MYOM3: variants seen among roughly 807,000 people sequenced by gnomAD.
The protein encoded by MYOM3 is myomesin 3, also known as myomesin-3.
MYOM3 carries 155 observed loss-of-function variants against 191.7 expected under a neutral mutation model. That is an observed-to-expected ratio of 0.81 (90% CI 0.71 to 0.92). The LOEUF is 0.92. Ranked by LOEUF, MYOM3 falls within the 40% of genes least tolerant of loss-of-function variation. The pLI, the probability that MYOM3 is intolerant of heterozygous loss-of-function variation, is 0.00. For missense variants in MYOM3, 1,889 were observed against 1,890.6 expected (o/e 1.00, Z 0.02); for synonymous variants, 757 against 762.9 (o/e 0.99, Z 0.13).
intron 7 of MYOM3, among the ~76,000 whole-genome samples, chr1:24,096,682 G>C (rs1255060503): frequency 6.6e-6 from 1 of 152,190 alleles, no homozygotes; most frequent in Non-Finnish European, 1.5e-5. Flanking sequence ...TACTGCCCAA[G>C]ACAGCTGCCT....
intron 12 of MYOM3, 123 bp from the exon 13 acceptor site, chr1:24,090,241 G>A (rs1643799922): frequency 3.9e-6 from 3 of 776,510 alleles, no homozygotes; most frequent in Non-Finnish European, 6.6e-6. Context: ...CCCTCGCTGT[G>A]CAACCTCAGA....
chr1:24,086,665 T>C lies in MYOM3; in HGVS notation c.1777A>G (p.Ile593Val). 2 of 1,613,956 alleles carry C rather than the reference T, an allele frequency of 1.2e-6. No individual in the cohort carries two copies. The highest frequency in any genetic ancestry group is 1.7e-6 in the Non-Finnish European group (2 of 1,179,938). ...GTACCTGGCGGGCCCCGCAAGGCGATGGGTTCGCTGGGCTCCGAGGGATCG... is the reference window on the plus strand; with the variant it reads ...GTACCTGGCGGGCCCCGCAAGGCGACGGGTTCGCTGGGCTCCGAGGGATCG... ...LSDPSEPSEP[I>V]ALRGPPATLP... The change falls in exon 15 of 37, where the codon ATC (isoleucine) becomes GTC (valine). Residue 593 changes from isoleucine (I) to valine (V), a missense_variant. Ile to Val is a conservative substitution (Grantham distance 29, BLOSUM62 3). Coordinates refer to ENST00000374434, the MANE Select transcript of MYOM3 (RefSeq NM_152372.4).
chr1:24,066,160 C>T, intron 28 of MYOM3, 159 bp from the exon 29 acceptor site: 3 of 723,064 alleles, frequency 4.1e-6, no homozygotes, highest in Non-Finnish European at 7.7e-6. Flanking sequence ...ATGGTTTTCC[C>T]TCTGCCTCTT....
intron 27 of MYOM3, among the ~76,000 whole-genome samples, chr1:24,067,417 TCC>T (rs368364027): frequency 9.1e-6 from 1 of 109,788 alleles, no homozygotes; most frequent in Admixed American, 9.4e-5. Flanking sequence ...CTTCCTTCCT[TCC>T]TTCCTTCCTT....
At chr1:24,062,861 T>C (rs1643386935) in intron 32 of MYOM3, among the ~76,000 whole-genome samples, 1 of 152,222 alleles carries the variant, frequency 6.6e-6, no homozygotes, top group South Asian at 2.1e-4. Context: ...AGAAAAATGT[T>C]GTCCCGCCAA....
At chr1:24,081,697 G>A in intron 18 of MYOM3, 1 of 592,964 alleles carries the variant, frequency 1.7e-6, no homozygotes, top group South Asian at 2.2e-5. Flanking sequence ...CGAGTAGCCA[G>A]GACTACAGGC....
intron 21 of MYOM3, 149 bp from the exon 22 acceptor site, chr1:24,075,624 C>T (rs1356364212): frequency 2.2e-5 from 17 of 766,044 alleles, no homozygotes; most frequent in Admixed American, 1.1e-4. Context: ...TTGCAGGATC[C>T]GGCTCCTTCC....
chr1:24,100,513 C>T (rs531674119), intron 5 of MYOM3, among the ~76,000 whole-genome samples: 5 of 152,210 alleles, frequency 3.3e-5, no homozygotes, highest in African/African-American at 4.8e-5. Flanking sequence ...ACCCCAGACC[C>T]CTGCCGCTCT....
At position 24,087,658 on chromosome 1, in the gene MYOM3, C is replaced by T. The variant is rs2148554331; in HGVS notation, c.1615-831G>A. On this transcript the variant is annotated intron_variant, in intron 14 of 36. Transcript: ENST00000374434. This position sits in a 1 kb window ranked among gnomAD's most constrained non-coding sequence, Gnocchi z 4.5. ...CTTCCTGGGCAGTGGGGAGGCCATC[C>T]CAGCCACTCCATCTAAAAATGTCAG... is the stretch of plus-strand genomic sequence containing the variant. 6.6e-6 allele frequency among the ~76,000 whole-genome samples: 1 copy of T among 152,192 alleles called. No homozygotes were observed. Among genetic ancestry groups the T allele is most frequent in the East Asian group, 1.9e-4 (1 of 5,174 alleles).
chr1:24,103,243 G>A (rs549972534), intron 5 of MYOM3, among the ~76,000 whole-genome samples: 2 of 152,354 alleles, frequency 1.3e-5, no homozygotes, highest in East Asian at 1.9e-4. Flanking sequence ...CCTGGCCAGC[G>A]CTGGGAGCAG....
chr1:24,086,759 G>A lies in MYOM3; in HGVS notation c.1683C>T (p.Ala561=), dbSNP rs747942549. ...ACTTCTTTTTCTCCAGGTCCAGAAC[G>A]GCGAATCTCGGGGATCTCACAGGGC... is the stretch of plus-strand genomic sequence containing the variant. The part of the protein sequence containing the change: ...SESPVRSPRF[A]VLDLEKKKSY... Residue 561 remains alanine, a synonymous_variant, in exon 15 of 37, where the codon GCC becomes GCT. Transcript: ENST00000374434. 19 of 1,614,056 alleles carry A rather than the reference G, an allele frequency of 1.2e-5. No individual in the cohort carries two copies. Among genetic ancestry groups the A allele is most frequent in the Admixed American group, 1.7e-5 (1 of 60,002 alleles).
At position 24,081,390 on chromosome 1, in the gene MYOM3, C is replaced by T. The variant is rs1643666359; in HGVS notation, c.2347G>A (p.Gly783Ser). 5.6e-6 allele frequency: 9 copies of T among 1,614,046 alleles called. No individual in the cohort carries two copies. In the South Asian group the frequency reaches 7.7e-5, roughly 14 times the overall value. The stretch of plus-strand genomic sequence containing the variant: ...AGGCTGCTGGGTGCCGACAGCTCGC[C>T]AACACCTGCCCAGTTGGCAGCCCGG... ...RARAANWAGV[G>S]ELSAPSSLFE... Residue 783 changes from glycine (G) to serine (S), a missense_variant, in exon 19 of 37, where the codon GGC (glycine) becomes AGC (serine). Physicochemically the swap from Gly to Ser is moderately conservative, Grantham distance 56. Transcript: ENST00000374434.
chr1:24,101,922 G>A (rs1435512045), intron 5 of MYOM3, among the ~76,000 whole-genome samples: 1 of 152,136 alleles, frequency 6.6e-6, no homozygotes, highest in Non-Finnish European at 1.5e-5. Context: ...AGGAGTAGGG[G>A]CTGAGGAGTG....
intron 12 of MYOM3, 54 bp downstream of exon 12, chr1:24,090,743 C>T (rs1643808517): frequency 6.3e-7 from 1 of 1,580,134 alleles, no homozygotes; most frequent in African/African-American, 1.3e-5. Context: ...TGAGACAGTC[C>T]TGAGGGTTCC....
intron 5 of MYOM3, among the ~76,000 whole-genome samples, chr1:24,100,829 A>G (rs6424153): frequency 0.55 from 83,735 of 150,974 alleles, 24,293 homozygotes; most frequent in African/African-American, 0.72. Flanking sequence ...GGAGCTTGCA[A>G]TGAGCAGAGA....
chr1:24,098,136 G>A lies in MYOM3; in HGVS notation c.657-125C>T, dbSNP rs977367692. 1.0e-5 allele frequency: 7 copies of A among 691,444 alleles called. No homozygotes were observed. In the African/African-American group the frequency reaches 1.2e-4, roughly 12 times the overall value. 42.8% of individuals were successfully genotyped at this position (691,444 alleles called of 1,614,324 possible). ...CTCACGGTGCCAGGAAGAGACTTTGGTCATTATCTCTGAAAAGCTGTGTGT... is the reference window on the plus strand; with the variant it reads ...CTCACGGTGCCAGGAAGAGACTTTGATCATTATCTCTGAAAAGCTGTGTGT... On this transcript the variant is annotated intron_variant, in intron 6 of 36. Coordinates refer to ENST00000374434, the MANE Select transcript of MYOM3 (RefSeq NM_152372.4).
At position 24,056,918 on chromosome 1, in the gene MYOM3, G is replaced by C. The variant is rs532520614; in HGVS notation, c.*446C>G. ...TCAGCCTCCCACATGCTAGACTTCA[G>C]GTGTCTGTTGAACTTACATGAATTG... On this transcript the variant is annotated 3_prime_UTR_variant, in exon 37 of 37. Coordinates refer to ENST00000374434, the MANE Select transcript of MYOM3 (RefSeq NM_152372.4). The C allele has an allele frequency of 6.3e-6, 1 of 159,878 alleles. No individual in the cohort carries two copies. Among genetic ancestry groups the C allele is most frequent in the South Asian group, 1.9e-4 (1 of 5,186 alleles). 9.9% of individuals were successfully genotyped at this position (159,878 alleles called of 1,614,324 possible). A position where few individuals can be genotyped will look rare whatever the true frequency, so the allele number is the denominator to read the frequency against.
At chr1:24,066,739 G>A (rs1364538257) in intron 28 of MYOM3, 1 of 456,720 alleles carries the variant, frequency 2.2e-6, no homozygotes, top group Non-Finnish European at 3.9e-6. Flanking sequence ...AACCCTCGTG[G>A]GCTCCTAGAC....
intron 29 of MYOM3, among the ~76,000 whole-genome samples, chr1:24,065,624 A>G (rs1288486317): frequency 6.6e-6 from 1 of 152,256 alleles, no homozygotes; most frequent in East Asian, 1.9e-4. Flanking sequence ...AGCTAAAGAA[A>G]AAAATCAGTA....
Sources: gnomAD v4.1 joint callset for allele counts (sites outside exome capture counted in the v4.1 genomes callset) on GRCh38, gnomAD v4.1.1 for gene constraint, Gnocchi (gnomAD v3.1) non-coding constraint, MANE v1.5 for transcripts, NCBI Gene and HGNC (gene_info 2026-07-23, HGNC 2026-07-21) for gene names.